CACNA2D1: variants seen among roughly 807,000 people sequenced by gnomAD.
CACNA2D1 encodes the protein voltage-dependent calcium channel subunit alpha-2/delta-1.
A neutral mutation model predicts 171.5 loss-of-function variants in CACNA2D1; 53 were observed. The ratio of observed to expected loss-of-function variants is 0.31; its 90% confidence interval spans 0.25 to 0.39. CACNA2D1 has a LOEUF of 0.39. CACNA2D1 is among the 10% of genes least tolerant of loss of function. The probability of loss-of-function intolerance (pLI) is 1.00; values close to 1 mark genes in which losing one functional copy is unlikely to be tolerated. For missense variants in CACNA2D1, 903 were observed against 1,299.8 expected, an observed-to-expected ratio of 0.69 and a Z score of 4.69; for synonymous variants, 442 against 443.1, an observed-to-expected ratio of 1.00 and a Z score of 0.03.
At chr7:82,322,090 C>T (rs1391147062) in intron 3 of CACNA2D1, among the ~76,000 whole-genome samples, 3 of 120,272 alleles carry the variant, frequency 2.5e-5, no homozygotes, top group Non-Finnish European at 4.9e-5. Flanking sequence ...CCCGCCACTG[C>T]ACTCCAGCCT....
At chr7:82,070,904 C>T (rs1368559460) in intron 7 of CACNA2D1, among the ~76,000 whole-genome samples, 1 of 151,906 alleles carries the variant, frequency 6.6e-6, no homozygotes, top group Non-Finnish European at 1.5e-5. Context: ...TCAAGTAATC[C>T]ACCACAGAGA....
At chr7:82,416,200 G>A (rs113181541) in intron 1 of CACNA2D1, among the ~76,000 whole-genome samples, 2,206 of 151,856 alleles carry the variant, frequency 0.015, 50 homozygotes, top group African/African-American at 0.051. Flanking sequence ...GGGTAACAGC[G>A]CGAGACTCTG....
At chr7:82,184,286 A>C (rs1797448336) in intron 3 of CACNA2D1, among the ~76,000 whole-genome samples, 2 of 151,688 alleles carry the variant, frequency 1.3e-5, no homozygotes, top group Non-Finnish European at 2.9e-5. Context: ...GAGTTGGAAA[A>C]TTACTATGAT....
At chr7:82,360,820 T>A (rs979217240) in intron 1 of CACNA2D1, among the ~76,000 whole-genome samples, 1 of 152,196 alleles carries the variant, frequency 6.6e-6, no homozygotes, top group African/African-American at 2.4e-5. Flanking sequence ...CATAGTGTAA[T>A]TTGCTGACAG....
At chr7:82,394,460 T>C (rs759333721) in intron 1 of CACNA2D1, among the ~76,000 whole-genome samples, 18 of 152,246 alleles carry the variant, frequency 1.2e-4, no homozygotes, top group South Asian at 6.2e-4. Flanking sequence ...TCATAGATGA[T>C]AGGTAGCTAG....
At chr7:82,195,068 G>T (rs1007404810) in intron 3 of CACNA2D1, among the ~76,000 whole-genome samples, 1 of 151,968 alleles carries the variant, frequency 6.6e-6, no homozygotes, top group African/African-American at 2.4e-5. Flanking sequence ...TATCTTTTCA[G>T]ATTTATATTT....
At chr7:82,304,913 A>T (rs1813523455) in intron 3 of CACNA2D1, among the ~76,000 whole-genome samples, 1 of 152,154 alleles carries the variant, frequency 6.6e-6, no homozygotes, top group Admixed American at 6.5e-5. Flanking sequence ...AATGCGACAG[A>T]CACCCTAAAT....
chr7:82,384,269 G>T (rs1824062254), intron 1 of CACNA2D1, among the ~76,000 whole-genome samples: 1 of 152,098 alleles, frequency 6.6e-6, no homozygotes, highest in South Asian at 2.1e-4. Flanking sequence ...TTTGGAGAAG[G>T]GGCCTTTGCA....
intron 21 of CACNA2D1, among the ~76,000 whole-genome samples, chr7:81,985,196 CTTTTTTTTTTTTT>C (rs774555240): frequency 9.6e-6 from 1 of 104,192 alleles, no homozygotes; most frequent in African/African-American, 4.1e-5. Context: ...ATTATCATTA[CTTTTTTTTTTTTT>C]TTTTTTTTGG....
At chr7:82,278,676 C>T (rs185208103) in intron 3 of CACNA2D1, among the ~76,000 whole-genome samples, 1 of 151,852 alleles carries the variant, frequency 6.6e-6, no homozygotes, top group East Asian at 1.9e-4. Flanking sequence ...ACTCATGAAC[C>T]CTTTTATTTC....
chr7:81,952,125 T>A (rs1792674345), intron 38 of CACNA2D1, among the ~76,000 whole-genome samples: 1 of 151,960 alleles, frequency 6.6e-6, no homozygotes, highest in South Asian at 2.1e-4. Flanking sequence ...CATTTGTATA[T>A]CATTTTTTGA....
intron 5 of CACNA2D1, among the ~76,000 whole-genome samples, chr7:82,133,958 A>G (rs1167876855): frequency 1.3e-5 from 2 of 152,078 alleles, no homozygotes; most frequent in Non-Finnish European, 2.9e-5. Context: ...CTGTAGTCCC[A>G]GCTACTCAGG....
intron 4 of CACNA2D1, among the ~76,000 whole-genome samples, chr7:82,158,108 A>T (rs1022942538): frequency 6.6e-6 from 1 of 151,956 alleles, no homozygotes; most frequent in African/African-American, 2.4e-5. Flanking sequence ...GATAAACTGG[A>T]TATTTATCAG....
intron 3 of CACNA2D1, among the ~76,000 whole-genome samples, chr7:82,221,579 T>G (rs1167604558): frequency 6.6e-6 from 1 of 152,006 alleles, no homozygotes; most frequent in East Asian, 1.9e-4. Context: ...ATCCCATCTC[T>G]ATTAAAAATA....
chr7:82,015,360 T>C lies in CACNA2D1; in HGVS notation c.1144-881A>G, dbSNP rs117404092. On this transcript the variant is annotated intron_variant, in intron 12 of 38. Transcript: ENST00000356860. ...ATAAAAGTTGGCTGACACATATAAA[T>C]AGATATTCTAAGCTCCTAGGATTTT... Among the ~76,000 whole-genome samples the C allele has an allele frequency of 1.6e-3, 247 of 152,278 alleles. 5 individuals carry two copies. In the East Asian group the frequency reaches 0.018, roughly 11 times the overall value.
chr7:82,290,767 T>A (rs1338108293), intron 3 of CACNA2D1, among the ~76,000 whole-genome samples: 2 of 151,708 alleles, frequency 1.3e-5, no homozygotes, highest in African/African-American at 4.8e-5. Context: ...GGGCTAATTT[T>A]GTATTTTTAG....
Position 82,399,196 on chromosome 7 carries a change from T to C in CACNA2D1, c.95+44169A>G, listed in dbSNP as rs77819010. Among the ~76,000 whole-genome samples the C allele has an allele frequency of 8.6e-3, 1,306 of 152,268 alleles. 16 individuals are homozygous for C. The highest frequency in any genetic ancestry group is 0.028 in the African/African-American group (1,147 of 41,540). On this transcript the variant is annotated intron_variant, in intron 1 of 38. Transcript: ENST00000356860. ...GTAACTTAGCAAAAACTCTGTTTTA[T>C]TGGGAGGCCAAGGTGGGCGCATCGC...
intron 1 of CACNA2D1, among the ~76,000 whole-genome samples, chr7:82,352,437 C>T (rs184020054): frequency 1.4e-3 from 215 of 152,216 alleles, no homozygotes; most frequent in African/African-American, 4.6e-3. Flanking sequence ...ATCCAGAAGA[C>T]ACTATAAAAT....
chr7:81,994,669 AAAG>A (rs1308490670), intron 20 of CACNA2D1, among the ~76,000 whole-genome samples, 196 bp downstream of exon 20: 1 of 152,048 alleles, frequency 6.6e-6, no homozygotes, highest in East Asian at 1.9e-4. Context: ...TATTTTATAA[AAAG>A]AAAAAGAGGG....
Sources: allele counts gnomAD v4.1 joint callset (sites outside exome capture counted in the v4.1 genomes callset), GRCh38; gene constraint gnomAD v4.1.1; transcripts MANE v1.5; gene names NCBI Gene and HGNC (gene_info 2026-07-23, HGNC 2026-07-21).